The following SEMA3A variants were observed in gnomAD, a reference collection of about 807,000 sequenced individuals.
SEMA3A encodes semaphorin 3A.
In SEMA3A, 29 loss-of-function variants were observed where a neutral mutation model predicts 97.9. The observed-to-expected ratio is 0.30, with a 90% CI of 0.22 to 0.40. The LOEUF (loss-of-function observed/expected upper bound fraction) is 0.40, where lower values mean the gene tolerates loss of function less well. Among genes scored for constraint, SEMA3A ranks in the 10% least tolerant of loss-of-function variants. The pLI is 1.00. For synonymous variants in SEMA3A, 321 were observed against 323.7 expected (o/e 0.99, Z 0.09); for missense variants, 763 against 951.3 (o/e 0.80, Z 2.60).
intron 1 of SEMA3A, among the ~76,000 whole-genome samples, chr7:84,165,195 A>G (rs1003789806): frequency 6.6e-6 from 1 of 151,510 alleles, no homozygotes; most frequent in Admixed American, 6.6e-5. Flanking sequence ...TGTCAGAGTG[A>G]GTCCTCGTCT....
At chr7:84,124,614 C>G (rs1795735693) in intron 3 of SEMA3A, among the ~76,000 whole-genome samples, 1 of 152,098 alleles carries the variant, frequency 6.6e-6, no homozygotes, top group African/African-American at 2.4e-5. Flanking sequence ...AAAGAAAAAG[C>G]CTCTTTCTTC....
intron 15 of SEMA3A, among the ~76,000 whole-genome samples, chr7:83,966,821 C>T (rs976325541): frequency 6.6e-6 from 1 of 151,974 alleles, no homozygotes; most frequent in Non-Finnish European, 1.5e-5. Context: ...AAGCGATTCT[C>T]CTGCCTCAGA....
At chr7:84,270,328 T>C (rs1800111734) in intron 3 of SEMA3A, among the ~76,000 whole-genome samples, 1 of 151,896 alleles carries the variant, frequency 6.6e-6, no homozygotes, top group Non-Finnish European at 1.5e-5. Context: ...ACACACTACA[T>C]CTCAGACCTT....
At chr7:84,158,148 C>CTTT (rs1187182577) in intron 1 of SEMA3A, among the ~76,000 whole-genome samples, 1,602 of 82,326 alleles carry the variant, frequency 0.019, 94 homozygotes, top group African/African-American at 0.042. Context: ...ACAGCTAATT[C>CTTT]TTTTTTTTTT....
At chr7:84,003,178 G>T (rs1260135111) in intron 11 of SEMA3A, among the ~76,000 whole-genome samples, 3 of 152,026 alleles carry the variant, frequency 2.0e-5, no homozygotes, top group Admixed American at 2.0e-4. Flanking sequence ...ATCAAGAAAG[G>T]TTGCTAATTT....
intron 1 of SEMA3A, among the ~76,000 whole-genome samples, chr7:84,443,505 T>C (rs561597075): frequency 2.0e-5 from 3 of 152,260 alleles, no homozygotes; most frequent in South Asian, 2.1e-4. Flanking sequence ...TTACAGAGTT[T>C]TTGAGAGTAG....
chr7:84,294,865 C>T (rs1188935340), intron 3 of SEMA3A, among the ~76,000 whole-genome samples: 1 of 152,004 alleles, frequency 6.6e-6, no homozygotes, highest in Non-Finnish European at 1.5e-5. Context: ...TAATTGGTTG[C>T]TCAATCTTGA....
At chr7:84,190,097 C>G (rs1012631121) in intron 1 of SEMA3A, among the ~76,000 whole-genome samples, 9 of 151,636 alleles carry the variant, frequency 5.9e-5, no homozygotes, top group African/African-American at 2.2e-4. Context: ...GAGTTAGAGG[C>G]TTACATGAAT....
chr7:83,968,651 T>C (rs1464266274), intron 15 of SEMA3A, among the ~76,000 whole-genome samples: 1 of 152,140 alleles, frequency 6.6e-6, no homozygotes, highest in Non-Finnish European at 1.5e-5. Context: ...TCTTGCTCTA[T>C]GTGTGTGACA....
intron 3 of SEMA3A, among the ~76,000 whole-genome samples, chr7:84,119,835 T>A (rs902694141): frequency 2.0e-5 from 3 of 152,164 alleles, no homozygotes; most frequent in Non-Finnish European, 4.4e-5. Flanking sequence ...CTGAAGGAAC[T>A]GGTCAAATCA....
intron 1 of SEMA3A, among the ~76,000 whole-genome samples, chr7:84,411,362 G>T (rs887058030): frequency 6.6e-6 from 1 of 152,066 alleles, no homozygotes; most frequent in Non-Finnish European, 1.5e-5. Context: ...ACATTTTATT[G>T]TCAGCAGGGA....
Position 83,960,868 on chromosome 7 carries a change from A to G in SEMA3A, c.*503T>C, listed in dbSNP as rs1033715659. On this transcript the variant is annotated 3_prime_UTR_variant, in exon 17 of 17. Coordinates refer to ENST00000265362, the MANE Select transcript of SEMA3A (RefSeq NM_006080.3). ...ATTTCCACAGAACATTTCATTCAGT[A>G]TCATTTTACTCATTTTACTCCTCAA... 1.3e-5 allele frequency: 2 copies of G among 152,526 alleles called. No individual in the cohort carries two copies. Among genetic ancestry groups the G allele is most frequent in the Admixed American group, 1.3e-4 (2 of 15,860 alleles). 9.4% of individuals were successfully genotyped at this position (152,526 alleles called of 1,614,324 possible).
At chr7:84,095,227 C>T (rs1480029480) in intron 4 of SEMA3A, among the ~76,000 whole-genome samples, 2 of 88,446 alleles carry the variant, frequency 2.3e-5, no homozygotes, top group Non-Finnish European at 5.8e-5. Context: ...TTATATATTA[C>T]ATTATATATA....
chr7:84,185,276 C>T (rs1057472129), intron 1 of SEMA3A, among the ~76,000 whole-genome samples: 3 of 151,996 alleles, frequency 2.0e-5, no homozygotes, highest in South Asian at 2.1e-4. Flanking sequence ...TCTGTGTTGC[C>T]GGGTACCATG....
At chr7:84,400,388 G>A (rs1448454726) in intron 1 of SEMA3A, among the ~76,000 whole-genome samples, 1 of 151,964 alleles carries the variant, frequency 6.6e-6, no homozygotes, top group East Asian at 1.9e-4. Flanking sequence ...TGAATTTCAA[G>A]AAAACAGATG....
At chr7:84,157,298 T>C (rs1796873447) in intron 1 of SEMA3A, among the ~76,000 whole-genome samples, 1 of 152,294 alleles carries the variant, frequency 6.6e-6, no homozygotes, top group African/African-American at 2.4e-5. Flanking sequence ...AAACCATTTT[T>C]CCATGCTGTA....
intron 1 of SEMA3A, among the ~76,000 whole-genome samples, chr7:84,436,169 C>A (rs1383283242): frequency 6.6e-6 from 1 of 152,112 alleles, no homozygotes; most frequent in Non-Finnish European, 1.5e-5. Context: ...TTACCATATA[C>A]AAATATTAAC....
chr7:84,310,866 T>C (rs180784127), intron 2 of SEMA3A, among the ~76,000 whole-genome samples: 1 of 151,892 alleles, frequency 6.6e-6, no homozygotes, highest in Admixed American at 6.6e-5. Context: ...TCGCCTTCCA[T>C]TTGTCTCTCA....
intron 2 of SEMA3A, among the ~76,000 whole-genome samples, chr7:84,368,660 T>C (rs991914040): frequency 5.3e-5 from 8 of 150,908 alleles, no homozygotes; most frequent in African/African-American, 1.9e-4. Flanking sequence ...AAATGACTAA[T>C]AGTTTCTAAC....
Sources: gnomAD v4.1 joint callset for allele counts (sites outside exome capture counted in the v4.1 genomes callset) on GRCh38, gnomAD v4.1.1 for gene constraint, MANE v1.5 for transcripts, NCBI Gene and HGNC (gene_info 2026-07-23, HGNC 2026-07-21) for gene names.